NBEA: variants seen among roughly 807,000 people sequenced by gnomAD.
NBEA encodes lysosomal-trafficking regulator 2.
NBEA carries 44 observed loss-of-function variants against 343.4 expected under a neutral mutation model. The ratio of observed to expected loss-of-function variants is 0.13; its 90% CI spans 0.10 to 0.16. NBEA has a LOEUF of 0.16. NBEA is among the 10% of genes least tolerant of loss of function. The pLI, the probability that NBEA is intolerant of heterozygous loss-of-function variation, is 1.00. For synonymous variants in NBEA, 1,175 were observed against 1,238.7 expected (o/e 0.95, Z 1.08); for missense variants, 2,555 against 3,631.3 (o/e 0.70, Z 7.62).
At chr13:35,089,935 A>C (rs4941808) in intron 10 of NBEA, among the ~76,000 whole-genome samples, 37,702 of 132,612 alleles carry the variant, frequency 0.28, 6,363 homozygotes, top group Middle Eastern at 0.46. Flanking sequence ...GGGGAGGGAT[A>C]GCATTGGGAG....
intron 39 of NBEA, among the ~76,000 whole-genome samples, chr13:35,447,676 A>G (rs1394081712): frequency 2.0e-5 from 3 of 152,118 alleles, no homozygotes; most frequent in Non-Finnish European, 2.9e-5. Flanking sequence ...AGGCAATAGC[A>G]TATATGTCTA....
chr13:35,359,832 A>G (rs61948684), intron 38 of NBEA, among the ~76,000 whole-genome samples: 63 of 144,560 alleles, frequency 4.4e-4, no homozygotes, highest in African/African-American at 1.4e-3. Context: ...GTGTGTGTGT[A>G]TGTGTGTGTG....
intron 10 of NBEA, among the ~76,000 whole-genome samples, chr13:35,078,644 A>G (rs1450167664): frequency 2.6e-5 from 4 of 152,212 alleles, no homozygotes; most frequent in African/African-American, 4.8e-5. Context: ...AGGATTTATA[A>G]TCTTCTTACT....
At chr13:35,651,687 T>C (rs914726808) in intron 52 of NBEA, 118 bp from the exon 53 acceptor site, 5 of 695,836 alleles carry the variant, frequency 7.2e-6, no homozygotes, top group Non-Finnish European at 1.3e-5. Context: ...GAACAATTTA[T>C]CAAATCATTT....
At chr13:35,118,166 T>G in intron 14 of NBEA, 62 bp from the exon 15 acceptor site, 1 of 1,092,220 alleles carries the variant, frequency 9.2e-7, no homozygotes, top group South Asian at 1.8e-5. Flanking sequence ...TATTTTGACA[T>G]CTTTTTTAAA....
rs373041855 is a variant in NBEA at position 35,159,233 on chromosome 13, G to A, written c.3062G>A (p.Ser1021Asn). 17 of 1,613,424 alleles carry A rather than the reference G, an allele frequency of 1.1e-5. No individual in the cohort carries two copies. Among genetic ancestry groups the A allele is most frequent in the African/African-American group, 4.0e-5 (3 of 74,896 alleles). ...GAAAGTGAGACCGATTACCCTGTCAGCACAGATACTCGAGACTTACTCATG... is the reference window on the plus strand; with the variant it reads ...GAAAGTGAGACCGATTACCCTGTCAACACAGATACTCGAGACTTACTCATG... Reference protein sequence around the residue: ...SPESETDYPVSTDTRDLLMST... With the variant: ...SPESETDYPVNTDTRDLLMST... The change falls in exon 22 of 59, where the codon AGC (serine) becomes AAC (asparagine). Residue 1021 changes from serine to asparagine, a missense_variant. Ser to Asn is a conservative substitution (Grantham distance 46, BLOSUM62 1). Around this residue, in one of 21 missense-constraint regions of NBEA, gnomAD observed 367 missense variants for 377.5 expected, o/e 0.97. Transcript: ENST00000379939.
chr13:35,165,728 AG>A (rs1180924394), intron 24 of NBEA, among the ~76,000 whole-genome samples: 8 of 146,584 alleles, frequency 5.5e-5, no homozygotes, highest in East Asian at 4.0e-4. Context: ...TCTGTGACCC[AG>A]GCTGGAGCAG....
rs1451688687 is a variant in NBEA at position 35,304,463 on chromosome 13, C to T, written c.5839-5065C>T. Among the ~76,000 whole-genome samples, 8 of 152,200 alleles carry T rather than the reference C, an allele frequency of 5.3e-5. No individual in the cohort carries two copies. In the South Asian group the frequency reaches 1.2e-3, roughly 24 times the overall value. On this transcript the variant is annotated intron_variant, in intron 35 of 58. Transcript: ENST00000379939. ...TCTGCCTCCTGATTCAAGCAATTCT[C>T]TTGCCTCAGCCTCCCGAGTAGCTGG...
intron 17 of NBEA, among the ~76,000 whole-genome samples, chr13:35,133,358 A>G (rs1319364152): frequency 1.3e-5 from 2 of 152,180 alleles, no homozygotes; most frequent in African/African-American, 4.8e-5. Flanking sequence ...AAGTGTTGAC[A>G]AAGGATGTAC....
At chr13:35,050,452 C>A in intron 6 of NBEA, 57 bp downstream of exon 6, 2 of 1,523,658 alleles carry the variant, frequency 1.3e-6, no homozygotes, top group Non-Finnish European at 1.8e-6. Context: ...TCTTAACTCT[C>A]CTTTTATGAG....
At position 35,208,789 on chromosome 13, in the gene NBEA, C is replaced by A; in HGVS notation, c.5456C>A (p.Thr1819Lys). The change falls in exon 32 of 59, where the codon ACA (threonine) becomes AAA (lysine). Residue 1819 changes from threonine to lysine, a missense_variant. This residue lies in a region of NBEA where 270 missense variants were observed against 293.3 expected (regional missense o/e 0.92). Coordinates refer to ENST00000379939, the MANE Select transcript of NBEA (RefSeq NM_001385012.1). ...GATTAGSGLP[T>K]GSTSNIFAAT... is the part of the protein sequence containing the mutation. ...ACTACTGCTGGAAGTGGGCTGCCAACAGGCAGTACCTCTAATATATTTGCT... is the reference window on the plus strand; with the variant it reads ...ACTACTGCTGGAAGTGGGCTGCCAAAAGGCAGTACCTCTAATATATTTGCT... 2 of 1,610,704 alleles carry A rather than the reference C, an allele frequency of 1.2e-6. No individual in the cohort carries two copies. Among genetic ancestry groups the A allele is most frequent in the Non-Finnish European group, 1.7e-6 (2 of 1,178,020 alleles).
rs990341512 is a variant in NBEA at position 35,593,437 on chromosome 13, C to T, written c.7286C>T (p.Ser2429Phe). ...TGGAGAACTAGTCAGAGAGATACTTCTGATGTAAAGGTAGGCTCTTTTATT... is the reference window on the plus strand; with the variant it reads ...TGGAGAACTAGTCAGAGAGATACTTTTGATGTAAAGGTAGGCTCTTTTATT... ...RSWRTSQRDT[S>F]DVKELIPEFY... Residue 2429 changes from serine (S) to phenylalanine (F), a missense_variant, in exon 47 of 59, where the codon TCT (serine) becomes TTT (phenylalanine). Coordinates refer to ENST00000379939, the MANE Select transcript of NBEA (RefSeq NM_001385012.1). The T allele has an allele frequency of 6.8e-6, 11 of 1,608,080 alleles. No individual in the cohort carries two copies. The highest frequency in any genetic ancestry group is 1.3e-5 in the African/African-American group (1 of 74,578).
chr13:35,233,372 C>T (rs886699918), intron 34 of NBEA, among the ~76,000 whole-genome samples: 1 of 152,016 alleles, frequency 6.6e-6, no homozygotes. Flanking sequence ...TGTGCCTGTT[C>T]TGTTATTGTC....
chr13:35,285,593 A>G (rs910879949), intron 34 of NBEA, among the ~76,000 whole-genome samples: 3 of 152,062 alleles, frequency 2.0e-5, no homozygotes, highest in Non-Finnish European at 4.4e-5. Context: ...CCTGTCCCAA[A>G]TAGTTGTTAA....
chr13:35,124,150 T>C (rs567896415), intron 17 of NBEA, among the ~76,000 whole-genome samples: 18 of 152,082 alleles, frequency 1.2e-4, no homozygotes, highest in Admixed American at 1.2e-3. Flanking sequence ...TGTAGGAATG[T>C]TTTAAGAGTA....
chr13:35,373,707 AAATAAT>A (rs60612475), intron 38 of NBEA, among the ~76,000 whole-genome samples: 8 of 149,808 alleles, frequency 5.3e-5, no homozygotes, highest in South Asian at 2.1e-4. Context: ...ACTGTCTCAA[AAATAAT>A]AATAATAATA....
At chr13:35,233,351 G>T (rs997508780) in intron 34 of NBEA, among the ~76,000 whole-genome samples, 3 of 152,076 alleles carry the variant, frequency 2.0e-5, no homozygotes, top group African/African-American at 7.2e-5. Context: ...GTAGAAGAAA[G>T]AGAGTTTTCC....
At chr13:35,305,655 C>T (rs2036841302) in intron 35 of NBEA, among the ~76,000 whole-genome samples, 1 of 152,118 alleles carries the variant, frequency 6.6e-6, no homozygotes, top group African/African-American at 2.4e-5. Context: ...GTATGACTCC[C>T]AGGATGATGC....
rs2075469772 is a variant in NBEA, at chr13:35,468,109, C to T, written c.6449-4291C>T. 7.2e-5 allele frequency among the ~76,000 whole-genome samples: 2 copies of T among 27,850 alleles called. 1 individual carries two copies. The highest frequency in any genetic ancestry group is 1.4e-4 in the Non-Finnish European group (2 of 14,216). The allele number at this position is 27,850 out of a possible 152,430, so 18.3% of individuals were successfully genotyped here. On this transcript the variant is annotated intron_variant, in intron 40 of 58. Coordinates refer to ENST00000379939, the MANE Select transcript of NBEA (RefSeq NM_001385012.1). Reference sequence around the variant, plus strand: ...TACCCCCTCCTGAAAATGATTTACACCCCCCCCCCACTCCCCTCCCCTGAA... The same window carrying T: ...TACCCCCTCCTGAAAATGATTTACATCCCCCCCCCACTCCCCTCCCCTGAA...
Sources: allele counts gnomAD v4.1 joint callset (sites outside exome capture counted in the v4.1 genomes callset), GRCh38; gene constraint gnomAD v4.1.1; regional missense constraint gnomAD v4.1.1; transcripts MANE v1.5; gene names NCBI Gene and HGNC (gene_info 2026-07-23, HGNC 2026-07-21).